The following FRMPD4 variants were observed in gnomAD, a reference collection of about 807,000 sequenced individuals.
FRMPD4 encodes the protein FERM and PDZ domain containing 4, also known as FERM and PDZ domain-containing protein 4.
FRMPD4 carries 22 observed loss-of-function variants against 94.1 expected under a neutral mutation model. That is an observed-to-expected ratio of 0.23 (90% CI 0.17 to 0.33). The LOEUF is 0.33. Ranked by LOEUF, FRMPD4 falls within the 10% of genes least tolerant of loss-of-function variation. The probability of loss-of-function intolerance (pLI) is 1.00; values close to 1 mark genes in which losing one functional copy is unlikely to be tolerated. For synonymous variants in FRMPD4, 631 were observed against 548.6 expected, an observed-to-expected ratio of 1.15 and a Z score of -2.10; for missense variants, 1,111 against 1,339.9, an observed-to-expected ratio of 0.83 and a Z score of 2.67.
intron 3 of FRMPD4, among the ~76,000 whole-genome samples, chrX:12,092,861 G>A (rs2055166308): frequency 1.8e-5 from 2 of 111,714 alleles, no homozygotes; most frequent in Admixed American, 1.9e-4. Context: ...GCACTCTGGA[G>A]AAAAATAAAT....
chrX:11,833,407 A>G (rs778434473), intron 1 of FRMPD4, among the ~76,000 whole-genome samples: 7 of 112,253 alleles, frequency 6.2e-5, no homozygotes, highest in African/African-American at 2.3e-4. Context: ...TTACTTTTGT[A>G]AGAAATTGCC....
intron 1 of FRMPD4, among the ~76,000 whole-genome samples, chrX:12,487,889 A>G (rs2057755013): frequency 1.8e-5 from 2 of 112,363 alleles, no homozygotes; most frequent in Non-Finnish European, 3.8e-5. Context: ...TCTCTTCATT[A>G]AACAATTTTA....
At chrX:11,852,111 G>T (rs1269871678) in intron 1 of FRMPD4, among the ~76,000 whole-genome samples, 3 of 111,456 alleles carry the variant, frequency 2.7e-5, no homozygotes, top group East Asian at 5.6e-4. Flanking sequence ...CTGGATGTTA[G>T]CTGACAATAA....
At chrX:12,312,499 C>T (rs756565424) in intron 1 of FRMPD4, among the ~76,000 whole-genome samples, 213 of 110,135 alleles carry the variant, frequency 1.9e-3, no homozygotes, top group South Asian at 5.1e-3. Flanking sequence ...GTGATCCACC[C>T]ACCTCAGCCT....
intron 3 of FRMPD4, among the ~76,000 whole-genome samples, chrX:11,910,090 C>T (rs186260603): frequency 7.2e-5 from 8 of 111,760 alleles, no homozygotes; most frequent in East Asian, 5.6e-4. Context: ...TTATTATCAA[C>T]TTCTGAATGA....
chrX:12,068,217 C>T lies in FRMPD4; in HGVS notation c.95+190199C>T, dbSNP rs571147163. 1.1e-4 allele frequency among the ~76,000 whole-genome samples: 12 copies of T among 111,859 alleles called. No individual in the cohort carries two copies. In the East Asian group the frequency reaches 1.1e-3, roughly 10 times the overall value. On this transcript the variant is annotated intron_variant, in intron 3 of 18. Transcript: ENST00000640291. ...TAGGTTCTCTCCTACAGACTCTAGA[C>T]GAAACACAGTGCCACTGACACCTTG...
chrX:12,017,868 T>C (rs958619088), intron 3 of FRMPD4, among the ~76,000 whole-genome samples: 8 of 111,676 alleles, frequency 7.2e-5, no homozygotes, highest in South Asian at 3.8e-4. Context: ...TCTAGCTTGG[T>C]AACTGGAGCA....
chrX:12,297,727 T>C (rs1023024815), intron 1 of FRMPD4, among the ~76,000 whole-genome samples: 6 of 111,776 alleles, frequency 5.4e-5, no homozygotes, highest in Non-Finnish European at 1.1e-4. Flanking sequence ...GAACGAAGCA[T>C]TGTAGGAGAT....
intron 1 of FRMPD4, among the ~76,000 whole-genome samples, chrX:12,473,338 T>C (rs181706311): frequency 2.5e-4 from 28 of 109,842 alleles, no homozygotes; most frequent in Admixed American, 2.4e-3. Flanking sequence ...AAGGAACAAC[T>C]GGTACCAGCC....
At chrX:11,854,541 A>G (rs182128479) in intron 1 of FRMPD4, among the ~76,000 whole-genome samples, 81 of 112,579 alleles carry the variant, frequency 7.2e-4, no homozygotes, top group Middle Eastern at 4.6e-3. Context: ...CAATGGGGGT[A>G]TAGGCATTGG....
chrX:12,098,253 T>TA (rs1348262234), intron 3 of FRMPD4, among the ~76,000 whole-genome samples: 12 of 78,027 alleles, frequency 1.5e-4, no homozygotes, highest in Non-Finnish European at 2.1e-4. Context: ...TTAAAATGTG[T>TA]AAAAAACAGA....
chrX:12,597,628 C>T (rs994552004), intron 2 of FRMPD4, among the ~76,000 whole-genome samples: 5 of 112,363 alleles, frequency 4.4e-5, no homozygotes, highest in African/African-American at 6.5e-5. Context: ...ACATTAATAA[C>T]GTGTGCATTC....
At chrX:12,717,412 T>C in intron 15 of FRMPD4, 89 bp from the exon 16 acceptor site, 1 of 639,694 alleles carries the variant, frequency 1.6e-6, no homozygotes, top group Non-Finnish European at 2.4e-6. Context: ...TGGTATTTTG[T>C]TTTAGTAATA....
At chrX:12,255,383 G>A (rs760186034) in intron 1 of FRMPD4, among the ~76,000 whole-genome samples, 7 of 111,722 alleles carry the variant, frequency 6.3e-5, no homozygotes, top group Admixed American at 3.8e-4. Context: ...ATCCTGAAGC[G>A]TATAGGGTGG....
At chrX:12,648,640 A>C (rs1311036894) in intron 4 of FRMPD4, among the ~76,000 whole-genome samples, 1 of 112,518 alleles carries the variant, frequency 8.9e-6, no homozygotes, top group Non-Finnish European at 1.9e-5. Context: ...GTTATTGTGG[A>C]GATTAAAAGA....
intron 2 of FRMPD4, among the ~76,000 whole-genome samples, chrX:12,525,250 A>G (rs1381781788): frequency 9.0e-6 from 1 of 111,374 alleles, no homozygotes; most frequent in Non-Finnish European, 1.9e-5. Flanking sequence ...CTGCATTCCT[A>G]TAAACATACA....
chrX:11,872,253 T>C (rs1027249848), intron 2 of FRMPD4, among the ~76,000 whole-genome samples: 2 of 112,507 alleles, frequency 1.8e-5, no homozygotes, highest in African/African-American at 6.5e-5. Context: ...GGTTTTTGAA[T>C]GCCACTTGTA....
chrX:12,075,295 T>C (rs7059333), intron 3 of FRMPD4, among the ~76,000 whole-genome samples: 1,180 of 108,879 alleles, frequency 0.011, 13 homozygotes, highest in African/African-American at 0.036. Context: ...TTATCAGTTG[T>C]AACAAATGTA....
intron 4 of FRMPD4, among the ~76,000 whole-genome samples, chrX:12,656,710 G>A (rs749257953): frequency 8.9e-6 from 1 of 112,161 alleles, no homozygotes; most frequent in Non-Finnish European, 1.9e-5. Flanking sequence ...AAGTATATTT[G>A]GAAAGGAGCA....
Sources: allele counts gnomAD v4.1 joint callset (sites outside exome capture counted in the v4.1 genomes callset), GRCh38; gene constraint gnomAD v4.1.1; transcripts MANE v1.5; gene names NCBI Gene and HGNC (gene_info 2026-07-23, HGNC 2026-07-21).